Variants in VAV3 observed in about 807,000 individuals in gnomAD.
VAV3 encodes the protein guanine nucleotide exchange factor VAV3.
A neutral mutation model predicts 131.2 loss-of-function variants in VAV3; 94 were observed. That is an observed-to-expected ratio of 0.72 (90% CI 0.61 to 0.85). The LOEUF (loss-of-function observed/expected upper bound fraction) is 0.85. Among genes scored for constraint, VAV3 ranks in the 40% least tolerant of loss-of-function variants. VAV3 has a pLI of 0.00. For missense variants in VAV3, 939 were observed against 1,002.7 expected (o/e 0.94, Z 0.86); for synonymous variants, 349 against 342.0 (o/e 1.02, Z -0.22).
chr1:107,755,042 C>T (rs1353660332), intron 12 of VAV3, among the ~76,000 whole-genome samples: 2 of 151,904 alleles, frequency 1.3e-5, no homozygotes, highest in East Asian at 3.9e-4. Flanking sequence ...GTTACAGTCC[C>T]AGCCCCAAGC....
intron 5 of VAV3, among the ~76,000 whole-genome samples, chr1:107,771,598 A>C (rs1665051957): frequency 6.6e-6 from 1 of 152,144 alleles, no homozygotes; most frequent in South Asian, 2.1e-4. Context: ...AATTTCTCTG[A>C]CTCAGTTTTC....
chr1:107,684,988 C>T (rs934636749), intron 18 of VAV3, among the ~76,000 whole-genome samples: 2 of 152,092 alleles, frequency 1.3e-5, no homozygotes, highest in East Asian at 1.9e-4. Context: ...GCTACATATC[C>T]CATCATCTTC....
intron 2 of VAV3, among the ~76,000 whole-genome samples, chr1:107,809,937 A>C (rs551053662): frequency 6.6e-6 from 1 of 152,348 alleles, no homozygotes; most frequent in African/African-American, 2.4e-5. Context: ...AGAATAGTTG[A>C]GCTACAGCAT....
In VAV3 at chr1:107,593,684, G is replaced by A. The variant is rs191089188; in HGVS notation, c.2350+2528C>T. Among the ~76,000 whole-genome samples, 586 of 152,178 alleles carry A rather than the reference G, an allele frequency of 3.9e-3. 2 individuals carry two copies. Among genetic ancestry groups the A allele is most frequent in the Middle Eastern group, 0.024 (7 of 294 alleles). On this transcript the variant is annotated intron_variant, in intron 25 of 26. Transcript: ENST00000370056. ...TTTCCTCCTTACCACTTCCTGGGAT[G>A]TATAAAATGCATAAAAATAGAAGCA...
intron 2 of VAV3, among the ~76,000 whole-genome samples, chr1:107,842,679 G>A (rs1188055110): frequency 6.6e-6 from 1 of 151,998 alleles, no homozygotes; most frequent in East Asian, 1.9e-4. Context: ...TGAAGTTTGG[G>A]TGTCCTTGGT....
intron 25 of VAV3, among the ~76,000 whole-genome samples, chr1:107,580,356 G>A (rs1041728051): frequency 4.6e-5 from 7 of 152,068 alleles, no homozygotes; most frequent in Non-Finnish European, 1.0e-4. Flanking sequence ...AAATATATTC[G>A]GGTTCTATTC....
chr1:107,803,798 CT>C (rs1007007636), intron 2 of VAV3, among the ~76,000 whole-genome samples: 3 of 151,914 alleles, frequency 2.0e-5, no homozygotes, highest in African/African-American at 7.2e-5. Context: ...TCTGCTGTTT[CT>C]TTGTTGATTT....
chr1:107,728,502 G>A (rs902642224), intron 15 of VAV3, among the ~76,000 whole-genome samples: 4 of 151,950 alleles, frequency 2.6e-5, no homozygotes, highest in Admixed American at 6.6e-5. Flanking sequence ...GGGTGGGTGG[G>A]TGTTGCTCAT....
intron 2 of VAV3, among the ~76,000 whole-genome samples, chr1:107,791,956 T>C (rs1666307925): frequency 6.6e-6 from 1 of 152,214 alleles, no homozygotes; most frequent in Non-Finnish European, 1.5e-5. Context: ...ACAACCTACA[T>C]TTGAACCCAG....
Position 107,605,669 on chromosome 1 carries a change from T to C in VAV3, c.2016-2506A>G, listed in dbSNP as rs2101120252. Among the ~76,000 whole-genome samples, 3 of 152,292 alleles carry C rather than the reference T, an allele frequency of 2.0e-5. No homozygotes were observed. The Middle Eastern group carries it at 0.01, about 518-fold the overall frequency. On this transcript the variant is annotated intron_variant, in intron 22 of 26. Transcript: ENST00000370056. ...GTTTCCACTAAAATGCAGATTATAG[T>C]CAAAATGCAGTCGAAACTTTGCTTC...
chr1:107,794,852 G>T (rs796668840), intron 2 of VAV3, among the ~76,000 whole-genome samples: 1 of 152,194 alleles, frequency 6.6e-6, no homozygotes, highest in Non-Finnish European at 1.5e-5. Context: ...TCCTCTCAAA[G>T]GATGTAGATA....
intron 2 of VAV3, among the ~76,000 whole-genome samples, chr1:107,836,098 C>A (rs1576887): frequency 0.011 from 1,672 of 152,246 alleles, 28 homozygotes; most frequent in African/African-American, 0.038. Context: ...GTCAACACTC[C>A]ACTGACAGCA....
Position 107,814,179 on chromosome 1 carries a change from G to A in VAV3, c.322-34687C>T, listed in dbSNP as rs140974146. On this transcript the variant is annotated intron_variant, in intron 2 of 26. Coordinates refer to ENST00000370056, the MANE Select transcript of VAV3 (RefSeq NM_006113.5). ...TTTGAATAAATACCCAGTCAGTAGC[G>A]AAAACTGCTGGATCACACAATAGTT... Among the ~76,000 whole-genome samples, 1,398 of 152,124 alleles carry A rather than the reference G, an allele frequency of 9.2e-3. 9 individuals are homozygous for A. The highest frequency in any genetic ancestry group is 0.015 in the South Asian group (71 of 4,812).
At chr1:107,925,892 C>CAT (rs1032309497) in intron 1 of VAV3, among the ~76,000 whole-genome samples, 2 of 49,240 alleles carry the variant, frequency 4.1e-5, no homozygotes, top group Admixed American at 5.2e-4. Context: ...AAATATATAA[C>CAT]ATATATGATA....
At chr1:107,819,008 T>G (rs1313242747) in intron 2 of VAV3, among the ~76,000 whole-genome samples, 1 of 152,096 alleles carries the variant, frequency 6.6e-6, no homozygotes, top group Admixed American at 6.6e-5. Context: ...ATTTGTAGAG[T>G]TTTTTGTTTG....
intron 15 of VAV3, among the ~76,000 whole-genome samples, chr1:107,719,324 T>C (rs1458059852): frequency 6.6e-6 from 1 of 152,232 alleles, no homozygotes; most frequent in African/African-American, 2.4e-5. Context: ...AAAGGGCTAA[T>C]GTCTAGAATC....
chr1:107,756,093 C>G lies in VAV3; in HGVS notation c.1087-580G>C, dbSNP rs553149301. Reference sequence around the variant, plus strand: ...AGAGGTGAGGAACTAAATAGCACAACATGCTGGAACTAAATTTAATTCATG... The same window carrying G: ...AGAGGTGAGGAACTAAATAGCACAAGATGCTGGAACTAAATTTAATTCATG... On this transcript the variant is annotated intron_variant, in intron 11 of 26. Transcript: ENST00000370056. Among the ~76,000 whole-genome samples the G allele has an allele frequency of 8.5e-5, 13 of 152,284 alleles. No homozygotes were observed. In the South Asian group the frequency reaches 1.7e-3, roughly 19 times the overall value.
chr1:107,706,419 G>A (rs924400941), intron 15 of VAV3, among the ~76,000 whole-genome samples: 7 of 152,260 alleles, frequency 4.6e-5, no homozygotes, highest in South Asian at 2.1e-4. Flanking sequence ...GAATATGAGC[G>A]TGCTAAAAAT....
At chr1:107,892,315 A>T (rs1671347134) in intron 1 of VAV3, among the ~76,000 whole-genome samples, 1 of 152,204 alleles carries the variant, frequency 6.6e-6, no homozygotes. Flanking sequence ...TTAAGCACTG[A>T]CTGAGTGCCC....
Sources: gnomAD v4.1 joint callset for allele counts (sites outside exome capture counted in the v4.1 genomes callset) on GRCh38, gnomAD v4.1.1 for gene constraint, MANE v1.5 for transcripts, NCBI Gene and HGNC (gene_info 2026-07-23, HGNC 2026-07-21) for gene names.